KCNT2: variants seen among roughly 807,000 people sequenced by gnomAD.
KCNT2 encodes potassium sodium-activated channel subfamily T member 2, also known as potassium channel subfamily T member 2.
Under a neutral mutation model 153.8 loss-of-function variants are expected in KCNT2, and 67 were observed. That is an observed-to-expected ratio of 0.44 (90% CI 0.36 to 0.53). The LOEUF is 0.53. KCNT2 is among the 20% of genes least tolerant of loss of function. KCNT2 has a pLI of 0.00. For synonymous variants in KCNT2, 500 were observed against 458.8 expected (o/e 1.09, Z -1.15); for missense variants, 975 against 1,354.8 (o/e 0.72, Z 4.40).
At chr1:196,602,343 T>C (rs1664816786) in intron 1 of KCNT2, among the ~76,000 whole-genome samples, 1 of 152,132 alleles carries the variant, frequency 6.6e-6, no homozygotes, top group African/African-American at 2.4e-5. Flanking sequence ...TAATATGACA[T>C]AGGCAATACA....
rs199836975 is a variant in KCNT2, at chr1:196,570,067, T to TAAAAAAAAAA, written c.95+38138_95+38147dup. Among the ~76,000 whole-genome samples, 87 of 133,698 alleles carry TAAAAAAAAAA rather than the reference T, an allele frequency of 6.5e-4. 3 individuals carry two copies. Among genetic ancestry groups the TAAAAAAAAAA allele is most frequent in the African/African-American group, 3.1e-3 (84 of 27,520 alleles). 87.7% of individuals were successfully genotyped at this position (133,698 alleles called of 152,430 possible). A position where few individuals can be genotyped will look rare whatever the true frequency, so the allele number is the denominator to read the frequency against. ...TGAGTCCAGGAAGCTTGAGCTAGAG[T>TAAAAAAAAAA]AAAAAAAAAAAAAAAAAAAAAAAAA... On this transcript the variant is annotated intron_variant, in intron 1 of 27. Coordinates refer to ENST00000294725, the MANE Select transcript of KCNT2 (RefSeq NM_198503.5).
At chr1:196,494,867 G>T (rs573642555) in intron 1 of KCNT2, among the ~76,000 whole-genome samples, 1 of 152,106 alleles carries the variant, frequency 6.6e-6, no homozygotes, top group African/African-American at 2.4e-5. Flanking sequence ...ATAAATGCAC[G>T]AATTACGAAT....
At chr1:196,386,358 A>G (rs7544202) in intron 13 of KCNT2, among the ~76,000 whole-genome samples, 8,781 of 152,234 alleles carry the variant, frequency 0.058, 393 homozygotes, top group Non-Finnish European at 0.085. Flanking sequence ...AAGTTTTGGG[A>G]TAGTTATGCA....
intron 1 of KCNT2, among the ~76,000 whole-genome samples, chr1:196,581,128 T>C (rs1661987385): frequency 6.6e-6 from 1 of 152,116 alleles, no homozygotes; most frequent in African/African-American, 2.4e-5. Context: ...ATATGTGATA[T>C]AGTCATTCTT....
At chr1:196,353,486 A>T (rs898832956) in intron 14 of KCNT2, among the ~76,000 whole-genome samples, 1 of 151,944 alleles carries the variant, frequency 6.6e-6, no homozygotes, top group Non-Finnish European at 1.5e-5. Flanking sequence ...CAGCATAGTA[A>T]CTATTGGTTA....
intron 14 of KCNT2, among the ~76,000 whole-genome samples, chr1:196,350,356 T>C (rs1286701504): frequency 6.6e-6 from 1 of 152,174 alleles, no homozygotes; most frequent in Non-Finnish European, 1.5e-5. Context: ...CTCCACATCC[T>C]CTCCAGCACC....
chr1:196,544,408 G>T (rs1383193306), intron 1 of KCNT2, among the ~76,000 whole-genome samples: 1 of 151,840 alleles, frequency 6.6e-6, no homozygotes, highest in Non-Finnish European at 1.5e-5. Flanking sequence ...AGAAGCCAGA[G>T]ATACAAACGA....
At chr1:196,430,338 T>C (rs1212908789) in intron 8 of KCNT2, among the ~76,000 whole-genome samples, 1 of 151,914 alleles carries the variant, frequency 6.6e-6, no homozygotes, top group Non-Finnish European at 1.5e-5. Context: ...ATGAATGAAC[T>C]AATGTTGGTA....
intron 14 of KCNT2, among the ~76,000 whole-genome samples, chr1:196,352,497 G>A (rs200396193): frequency 6.6e-6 from 1 of 152,114 alleles, no homozygotes; most frequent in African/African-American, 2.4e-5. Context: ...TTGCACAGAG[G>A]TGTTTGTAGT....
At chr1:196,575,212 T>C (rs1661213994) in intron 1 of KCNT2, among the ~76,000 whole-genome samples, 1 of 152,204 alleles carries the variant, frequency 6.6e-6, no homozygotes, top group South Asian at 2.1e-4. Context: ...GACTGATCTC[T>C]ATACACAATT....
chr1:196,407,454 A>G (rs1671922145), intron 12 of KCNT2, among the ~76,000 whole-genome samples: 1 of 151,516 alleles, frequency 6.6e-6, no homozygotes, highest in Non-Finnish European at 1.5e-5. Flanking sequence ...TGAGAATGGT[A>G]AGAAAAATAT....
intron 14 of KCNT2, among the ~76,000 whole-genome samples, chr1:196,369,687 G>A (rs1362081634): frequency 6.6e-6 from 1 of 152,090 alleles, no homozygotes; most frequent in Non-Finnish European, 1.5e-5. Flanking sequence ...AATAATCCAT[G>A]GTGTATATGT....
intron 7 of KCNT2, 30 bp downstream of exon 7, chr1:196,467,673 T>A (rs375200422): frequency 6.2e-5 from 85 of 1,364,758 alleles, no homozygotes; most frequent in Middle Eastern, 4.0e-4. Context: ...TAAAAATATT[T>A]TCATATTTGC....
At chr1:196,369,821 A>T (rs1668365228) in intron 14 of KCNT2, among the ~76,000 whole-genome samples, 1 of 152,118 alleles carries the variant, frequency 6.6e-6, no homozygotes, top group Non-Finnish European at 1.5e-5. Context: ...CATGATTTAT[A>T]GTCCTTTGGG....
chr1:196,587,835 A>G (rs1483225143), intron 1 of KCNT2, among the ~76,000 whole-genome samples: 3 of 152,064 alleles, frequency 2.0e-5, no homozygotes, highest in Non-Finnish European at 2.9e-5. Flanking sequence ...AAAGTAAAAT[A>G]AAAGTCCACT....
chr1:196,518,255 T>C (rs1394606710), intron 1 of KCNT2, among the ~76,000 whole-genome samples: 1 of 151,894 alleles, frequency 6.6e-6, no homozygotes, highest in East Asian at 1.9e-4. Flanking sequence ...AGAATAGACA[T>C]CGAAAGAAGC....
chr1:196,255,504 A>G (rs1013821531), intron 26 of KCNT2, among the ~76,000 whole-genome samples: 41 of 151,790 alleles, frequency 2.7e-4, no homozygotes, highest in African/African-American at 9.7e-4. Context: ...AATCCCTTGG[A>G]GCTAGATGTG....
chr1:196,598,155 C>T (rs1423885698), intron 1 of KCNT2, among the ~76,000 whole-genome samples: 3 of 152,172 alleles, frequency 2.0e-5, no homozygotes, highest in East Asian at 3.9e-4. Flanking sequence ...CATTTTAAAA[C>T]GTCTTAGTAA....
intron 14 of KCNT2, among the ~76,000 whole-genome samples, 194 bp downstream of exon 14, chr1:196,372,946 T>A (rs910488261): frequency 1.3e-5 from 2 of 151,932 alleles, no homozygotes; most frequent in Non-Finnish European, 2.9e-5. Flanking sequence ...GACAGCAAAT[T>A]ACTCACTTTT....
Sources: gnomAD v4.1 joint callset for allele counts (sites outside exome capture counted in the v4.1 genomes callset) on GRCh38, gnomAD v4.1.1 for gene constraint, MANE v1.5 for transcripts, NCBI Gene and HGNC (gene_info 2026-07-23, HGNC 2026-07-21) for gene names.